The following DLC1 variants were observed in gnomAD, a reference collection of about 807,000 sequenced individuals.
DLC1 encodes rho GTPase-activating protein 7.
In DLC1, 54 loss-of-function variants were observed where a neutral mutation model predicts 140.3. That is an observed-to-expected ratio of 0.38 (90% CI 0.31 to 0.48). The LOEUF is 0.48. Among genes scored for constraint, DLC1 ranks in the 20% least tolerant of loss-of-function variants. DLC1 has a pLI of 0.96. For synonymous variants in DLC1, 986 were observed against 728.1 expected (o/e 1.35, Z -5.70); for missense variants, 2,536 against 1,907.0 (o/e 1.33, Z -6.14).
intron 5 of DLC1, among the ~76,000 whole-genome samples, chr8:13,266,033 T>G (rs1032183567): frequency 6.6e-6 from 1 of 152,220 alleles, no homozygotes; most frequent in African/African-American, 2.4e-5. Context: ...AAACATAGTC[T>G]TAAGTTCTAA....
chr8:13,516,400 A>G (rs1284140928), upstream of DLC1, among the ~76,000 whole-genome samples: 1 of 152,188 alleles, frequency 6.6e-6, no homozygotes, highest in African/African-American at 2.4e-5. Flanking sequence ...CCTGTATATC[A>G]CAAGGGCTAT....
chr8:13,170,499 G>C (rs112978004), intron 5 of DLC1, among the ~76,000 whole-genome samples: 23 of 152,282 alleles, frequency 1.5e-4, no homozygotes, highest in African/African-American at 5.5e-4. Flanking sequence ...GCGGGGCCAA[G>C]GTGGGCGGAT....
At chr8:13,524,150 A>G (rs1462886625) in intron 1 of DLC1, among the ~76,000 whole-genome samples, 1 of 115,568 alleles carries the variant, frequency 8.7e-6, no homozygotes, top group Non-Finnish European at 1.8e-5. Flanking sequence ...TATTATTATT[A>G]TTATTGAGTC....
chr8:13,279,902 A>G (rs1278024435), intron 5 of DLC1, among the ~76,000 whole-genome samples: 1 of 152,112 alleles, frequency 6.6e-6, no homozygotes, highest in Non-Finnish European at 1.5e-5. Context: ...GTTTGTGATA[A>G]TTAGTGTTGT....
Position 13,312,383 on chromosome 8 carries a change from A to ATAATAATAAT in DLC1, c.1315-7082_1315-7081insATTATTATTA, listed in dbSNP as rs1208765059. Among the ~76,000 whole-genome samples the ATAATAATAAT allele has an allele frequency of 1.8e-4, 17 of 94,020 alleles. 1 individual carries two copies. Among genetic ancestry groups the ATAATAATAAT allele is most frequent in the African/African-American group, 7.9e-4 (17 of 21,448 alleles). The allele number at this position is 94,020 out of a possible 152,430, so 61.7% of individuals were successfully genotyped here. A position where few individuals can be genotyped will look rare whatever the true frequency, so the allele number is the denominator to read the frequency against. On this transcript the variant is annotated intron_variant, in intron 4 of 17. Transcript: ENST00000276297. ...CTCAAAAAAAAAAAAAAAAAAAAAA[A>ATAATAATAAT]AAAAATAATTTCTTTAGCAAGCTAG...
intron 2 of DLC1, among the ~76,000 whole-genome samples, chr8:13,489,373 GATCTATA>G (rs1358452906): frequency 2.3e-4 from 27 of 115,436 alleles, no homozygotes; most frequent in Non-Finnish European, 1.2e-4. Context: ...GAAACTCTCA[GATCTATA>G]ATTAGGGCAA....
At chr8:13,486,590 T>C (rs987284961) in intron 2 of DLC1, among the ~76,000 whole-genome samples, 1 of 152,180 alleles carries the variant, frequency 6.6e-6, no homozygotes, top group African/African-American at 2.4e-5. Context: ...AGCTCCTTGG[T>C]CTTGTCAATA....
In DLC1 at chr8:13,506,712, T is replaced by G. The variant is rs187744777; in HGVS notation, c.-125-6516A>C. Among the ~76,000 whole-genome samples, 252 of 151,848 alleles carry G rather than the reference T, an allele frequency of 1.7e-3. 1 individual carries two copies. Among genetic ancestry groups the G allele is most frequent in the African/African-American group, 5.9e-3 (244 of 41,350 alleles). On this transcript the variant is annotated intron_variant, in intron 1 of 17. Coordinates refer to ENST00000276297, the MANE Select transcript of DLC1 (RefSeq NM_182643.3). ...ACACTTACATAAAACAGCTATCGCA[T>G]AGCATGTGCTTAGTCACTGTGGGAA...
intron 2 of DLC1, among the ~76,000 whole-genome samples, chr8:13,433,678 T>G (rs1235080768): frequency 6.6e-6 from 1 of 152,216 alleles, no homozygotes; most frequent in Non-Finnish European, 1.5e-5. Flanking sequence ...ATGTACAATG[T>G]CAGGTGTTTT....
intron 1 of DLC1, among the ~76,000 whole-genome samples, chr8:13,534,322 A>C (rs1012671476): frequency 6.6e-6 from 1 of 152,124 alleles, no homozygotes; most frequent in Non-Finnish European, 1.5e-5. Context: ...AATAATAAGA[A>C]CTGTATTTTC....
chr8:13,486,414 A>G (rs757132123), intron 2 of DLC1, among the ~76,000 whole-genome samples: 8 of 152,328 alleles, frequency 5.3e-5, no homozygotes, highest in South Asian at 4.1e-4. Context: ...ATCATTTAAG[A>G]AAACCCTTAA....
At chr8:13,580,927 T>G (rs1805072126) in intron 1 of DLC1, among the ~76,000 whole-genome samples, 1 of 152,170 alleles carries the variant, frequency 6.6e-6, no homozygotes, top group South Asian at 2.1e-4. Context: ...CTCCCCAGCA[T>G]GAACTGAGTC....
At position 13,086,402 on chromosome 8, in the gene DLC1, C is replaced by T. The variant is rs748221571; in HGVS notation, c.4354G>A (p.Asp1452Asn). 1.1e-5 allele frequency: 17 copies of T among 1,614,100 alleles called. No individual in the cohort carries two copies. Among genetic ancestry groups the T allele is most frequent in the East Asian group, 2.2e-5 (1 of 44,894 alleles). The change falls in exon 17 of 18, where the codon GAT becomes AAT. Residue 1452 changes from aspartate (D) to asparagine (N), a missense_variant. Coordinates refer to ENST00000276297, the MANE Select transcript of DLC1 (RefSeq NM_182643.3). ...CTCACACCCACCACAGGTGCGCGATCGTGATCCACAGAGGTTAGTAAAAGG... is the reference window on the plus strand; with the variant it reads ...CTCACACCCACCACAGGTGCGCGATTGTGATCCACAGAGGTTAGTAAAAGG... ...CALLLTSVDH[D>N]RAPVVGVRVN...
intron 3 of DLC1, among the ~76,000 whole-genome samples, chr8:13,394,686 CA>C (rs571275861): frequency 1.4e-3 from 207 of 152,256 alleles, no homozygotes; most frequent in African/African-American, 4.5e-3. Context: ...TTCACATGGT[CA>C]AATATCATGT....
At chr8:13,597,072 T>A (rs1226892072) in intron 1 of DLC1, among the ~76,000 whole-genome samples, 1 of 151,896 alleles carries the variant, frequency 6.6e-6, no homozygotes, top group Admixed American at 6.6e-5. Context: ...TAAATTCATA[T>A]TTTTCATCTC....
At position 13,496,785 on chromosome 8, in the gene DLC1, C is replaced by CTT. The variant is rs1491502803; in HGVS notation, c.1023+2263_1023+2264insAA. 4.6e-3 allele frequency among the ~76,000 whole-genome samples: 40 copies of CTT among 8,648 alleles called. 5 individuals are homozygous for CTT. Among genetic ancestry groups the CTT allele is most frequent in the East Asian group, 8.1e-3 (11 of 1,350 alleles). The allele number at this position is 8,648 out of a possible 152,430, so 5.7% of individuals were successfully genotyped here. A position where few individuals can be genotyped will look rare whatever the true frequency, so the allele number is the denominator to read the frequency against. On this transcript the variant is annotated intron_variant, in intron 2 of 17. Transcript: ENST00000276297. ...TAATTAACAAATTCTTAGACCATTTCCTTTTTTTTTTTTTTTTTTTTTTTT... is the reference window on the plus strand; with the variant it reads ...TAATTAACAAATTCTTAGACCATTTCTTCTTTTTTTTTTTTTTTTTTTTTTTT...
At chr8:13,220,047 C>T (rs750367444) in intron 5 of DLC1, among the ~76,000 whole-genome samples, 1 of 152,048 alleles carries the variant, frequency 6.6e-6, no homozygotes, top group Non-Finnish European at 1.5e-5. Context: ...AGTGACTGCT[C>T]AATGGGTACA....
intron 5 of DLC1, among the ~76,000 whole-genome samples, chr8:13,197,493 C>T (rs979856522): frequency 6.6e-6 from 1 of 152,026 alleles, no homozygotes; most frequent in East Asian, 1.9e-4. Flanking sequence ...GGACTACAGG[C>T]CCGCCAACAA....
chr8:13,146,443 A>G (rs1469176943), intron 5 of DLC1, among the ~76,000 whole-genome samples: 2 of 152,054 alleles, frequency 1.3e-5, no homozygotes, highest in African/African-American at 4.8e-5. Context: ...ACTAAAAATA[A>G]TAACTTTTTA....
Sources: allele counts gnomAD v4.1 joint callset (sites outside exome capture counted in the v4.1 genomes callset), GRCh38; gene constraint gnomAD v4.1.1; transcripts MANE v1.5; gene names NCBI Gene and HGNC (gene_info 2026-07-23, HGNC 2026-07-21).